FSTL5: variants seen among roughly 807,000 people sequenced by gnomAD.
The protein encoded by FSTL5 is follistatin like 5.
FSTL5 carries 62 observed loss-of-function variants against 89.1 expected under a neutral mutation model. The ratio of observed to expected loss-of-function variants is 0.70; its 90% CI spans 0.57 to 0.86. The LOEUF (loss-of-function observed/expected upper bound fraction) is 0.86, where lower values mean the gene tolerates loss of function less well. Ranked by LOEUF, FSTL5 falls within the 40% of genes least tolerant of loss-of-function variation. The probability of loss-of-function intolerance (pLI) is 0.00; values close to 1 mark genes in which losing one functional copy is unlikely to be tolerated. For missense variants in FSTL5, 1,057 were observed against 1,001.6 expected, an observed-to-expected ratio of 1.06 and a Z score of -0.75; for synonymous variants, 383 against 346.2, an observed-to-expected ratio of 1.11 and a Z score of -1.18.
intron 4 of FSTL5, among the ~76,000 whole-genome samples, chr4:161,879,769 T>C (rs1269877160): frequency 6.6e-6 from 1 of 152,192 alleles, no homozygotes; most frequent in Non-Finnish European, 1.5e-5. Flanking sequence ...GTCTGAGAAC[T>C]ACAAACATTA....
intron 2 of FSTL5, among the ~76,000 whole-genome samples, chr4:162,105,510 T>A (rs996843408): frequency 8.5e-5 from 13 of 152,206 alleles, no homozygotes; most frequent in African/African-American, 2.9e-4. Context: ...TCTGATTTTT[T>A]AATTATTCTT....
chr4:161,927,772 C>T, intron 3 of FSTL5, among the ~76,000 whole-genome samples: 1 of 151,686 alleles, frequency 6.6e-6, no homozygotes, highest in Non-Finnish European at 1.5e-5. Context: ...TGCAAAAATG[C>T]ATTTAATTTC....
chr4:161,486,807 AT>A (rs1001628770), intron 12 of FSTL5, among the ~76,000 whole-genome samples: 12 of 152,332 alleles, frequency 7.9e-5, no homozygotes, highest in Admixed American at 7.9e-4. Flanking sequence ...TTGTAAAAAA[AT>A]AATTAATACA....
intron 4 of FSTL5, among the ~76,000 whole-genome samples, chr4:161,842,506 A>T (rs1046388773): frequency 1.1e-4 from 16 of 152,142 alleles, no homozygotes; most frequent in Admixed American, 1.3e-4. Flanking sequence ...TTTTATTTCA[A>T]GTCTATCATC....
At position 162,128,721 on chromosome 4, in the gene FSTL5, G is replaced by A. The variant is rs188623287; in HGVS notation, c.-16-17309C>T. 1.5e-3 allele frequency among the ~76,000 whole-genome samples: 233 copies of A among 152,128 alleles called. 1 individual carries two copies. The highest frequency in any genetic ancestry group is 5.2e-3 in the African/African-American group (215 of 41,512). On this transcript the variant is annotated intron_variant, in intron 1 of 15. Coordinates refer to ENST00000306100, the MANE Select transcript of FSTL5 (RefSeq NM_020116.5). ...AGAAAGATTAAGAAAATAGAAAAAAGCTGTTGGTATTTTCTTTTTCCCGAT... is the reference window on the plus strand; with the variant it reads ...AGAAAGATTAAGAAAATAGAAAAAAACTGTTGGTATTTTCTTTTTCCCGAT...
intron 2 of FSTL5, among the ~76,000 whole-genome samples, chr4:162,069,701 T>C (rs1729523770): frequency 6.6e-6 from 1 of 151,954 alleles, no homozygotes; most frequent in South Asian, 2.1e-4. Flanking sequence ...GGCTCAACCA[T>C]GTTGTCACGA....
intron 2 of FSTL5, chr4:162,035,189 G>T (rs1380419779): frequency 6.6e-6 from 1 of 151,852 alleles, no homozygotes; most frequent in Non-Finnish European, 1.5e-5. Context: ...AATATGTATG[G>T]ATCACTTTTT....
intron 10 of FSTL5, among the ~76,000 whole-genome samples, chr4:161,530,250 T>G (rs1009594533): frequency 1.4e-5 from 2 of 142,422 alleles, no homozygotes; most frequent in Non-Finnish European, 3.1e-5. Context: ...AATAGGAAGA[T>G]ACCTCATAAC....
At chr4:161,542,269 T>C (rs1334099692) in intron 9 of FSTL5, among the ~76,000 whole-genome samples, 1 of 152,026 alleles carries the variant, frequency 6.6e-6, no homozygotes, top group African/African-American at 2.4e-5. Context: ...GACAAGTATT[T>C]TAAAGATACA....
chr4:161,543,812 A>G (rs1731914943), intron 8 of FSTL5, among the ~76,000 whole-genome samples: 1 of 152,074 alleles, frequency 6.6e-6, no homozygotes, highest in Non-Finnish European at 1.5e-5. Flanking sequence ...ATCAGAAGAA[A>G]ACATTGAGTA....
intron 13 of FSTL5, among the ~76,000 whole-genome samples, chr4:161,475,062 C>T (rs930179388): frequency 3.5e-5 from 5 of 143,234 alleles, no homozygotes; most frequent in South Asian, 2.2e-4. Flanking sequence ...GTATGCCGAA[C>T]GTATGGATCC....
chr4:161,609,525 A>G (rs1734569084), intron 7 of FSTL5, among the ~76,000 whole-genome samples: 1 of 152,184 alleles, frequency 6.6e-6, no homozygotes. Context: ...TTTTATTTAG[A>G]GATGATTATC....
chr4:162,123,438 A>C (rs896333024), intron 1 of FSTL5, among the ~76,000 whole-genome samples: 1 of 152,190 alleles, frequency 6.6e-6, no homozygotes, highest in Admixed American at 6.5e-5. Flanking sequence ...CCTGGTGTGC[A>C]GGGGAAAGAG....
chr4:161,634,524 T>C (rs965325567), intron 7 of FSTL5, among the ~76,000 whole-genome samples: 2 of 151,590 alleles, frequency 1.3e-5, no homozygotes, highest in African/African-American at 2.4e-5. Context: ...ATAAAGAAAA[T>C]ACAGTATAAA....
At chr4:161,909,189 T>C (rs1733621812) in intron 4 of FSTL5, among the ~76,000 whole-genome samples, 1 of 152,072 alleles carries the variant, frequency 6.6e-6, no homozygotes, top group Non-Finnish European at 1.5e-5. Context: ...GGGAGTCCAT[T>C]TTGGTCCATA....
Position 162,146,564 on chromosome 4 carries a change from T to C in FSTL5, c.-17+17051A>G, listed in dbSNP as rs997202587. On this transcript the variant is annotated intron_variant, in intron 1 of 15. Transcript: ENST00000306100. ...ATTCCCTATTGTTAACATCTCATGTTAGTATGACACATTTGTCACAACTAA... is the reference window on the plus strand; with the variant it reads ...ATTCCCTATTGTTAACATCTCATGTCAGTATGACACATTTGTCACAACTAA... Among the ~76,000 whole-genome samples, 110 of 152,254 alleles carry C rather than the reference T, an allele frequency of 7.2e-4. 2 individuals carry two copies. Among genetic ancestry groups the C allele is most frequent in the Non-Finnish European group, 1.6e-4 (11 of 68,002 alleles).
chr4:162,162,132 G>A (rs1345362915), intron 1 of FSTL5, among the ~76,000 whole-genome samples: 1 of 152,054 alleles, frequency 6.6e-6, no homozygotes, highest in Non-Finnish European at 1.5e-5. Flanking sequence ...TGCATTGCTT[G>A]TGACAATCAC....
chr4:162,135,312 T>C (rs1732481977), intron 1 of FSTL5, among the ~76,000 whole-genome samples: 1 of 152,022 alleles, frequency 6.6e-6, no homozygotes, highest in Non-Finnish European at 1.5e-5. Flanking sequence ...TTTTTCTTTT[T>C]TCTTTTGTTA....
rs117603899 is a variant in FSTL5, at chr4:161,647,206, A to T, written c.894+9122T>A. On this transcript the variant is annotated intron_variant, in intron 7 of 15. Coordinates refer to ENST00000306100, the MANE Select transcript of FSTL5 (RefSeq NM_020116.5). ...GTGTAAGACAAAAGTCCAACCTGATACTTTTGCATGTGAATATCCAGTCCT... is the reference window on the plus strand; with the variant it reads ...GTGTAAGACAAAAGTCCAACCTGATTCTTTTGCATGTGAATATCCAGTCCT... Among the ~76,000 whole-genome samples the T allele has an allele frequency of 6.0e-3, 910 of 152,224 alleles. 9 individuals are homozygous for T. The highest frequency in any genetic ancestry group is 0.045 in the South Asian group (218 of 4,812).
Sources: allele counts gnomAD v4.1 joint callset (sites outside exome capture counted in the v4.1 genomes callset), GRCh38; gene constraint gnomAD v4.1.1; transcripts MANE v1.5; gene names NCBI Gene and HGNC (gene_info 2026-07-23, HGNC 2026-07-21).